Variants in PGS1 observed in about 807,000 individuals in gnomAD.
The protein encoded by PGS1 is phosphatidylglycerophosphate synthase 1, also known as CDP-diacylglycerol--glycerol-3-phosphate 3-phosphatidyltransferase, mitochondrial.
Under a neutral mutation model 58.3 loss-of-function variants are expected in PGS1, and 44 were observed. The ratio of observed to expected loss-of-function variants is 0.75; its 90% confidence interval spans 0.59 to 0.97. The LOEUF is 0.97. Among genes scored for constraint, PGS1 ranks in the 50% least tolerant of loss-of-function variants. The probability of loss-of-function intolerance (pLI) is 0.00; values close to 1 mark genes in which losing one functional copy is unlikely to be tolerated. For synonymous variants in PGS1, 330 were observed against 311.0 expected (o/e 1.06, Z -0.64); for missense variants, 684 against 731.1 (o/e 0.94, Z 0.74).
intron 3 of PGS1, 35 bp downstream of exon 3, chr17:78,396,420 A>C: frequency 6.9e-7 from 1 of 1,455,678 alleles, no homozygotes; most frequent in African/African-American, 1.4e-5. Flanking sequence ...TGGCAGCAAT[A>C]GTGAATGGGC....
chr17:78,399,584 C>G (rs987863246), intron 5 of PGS1, 47 bp downstream of exon 5: 54 of 1,580,596 alleles, frequency 3.4e-5, no homozygotes, highest in Admixed American at 6.7e-5. Flanking sequence ...GCTCTGCAGG[C>G]TGGAGGGCAG....
rs920585113 is a variant in PGS1, at chr17:78,414,967, C to T, written c.1491C>T (p.Asp497=). The T allele has an allele frequency of 1.9e-6, 3 of 1,613,670 alleles. No individual in the cohort carries two copies. Among genetic ancestry groups the T allele is most frequent in the Non-Finnish European group, 2.5e-6 (3 of 1,180,034 alleles). ...TTGGGTACAGGTCAGTTCACCGGGA[C>T]CTGGAGGCCCAGATTGCGATCGTGA... ...PNFGYRSVHR[D]LEAQIAIVTE... is the part of the protein sequence containing the mutation. The change falls in exon 8 of 10, where the codon GAC becomes GAT. Residue 497 remains aspartate (D), a synonymous_variant. Transcript: ENST00000262764.
chr17:78,414,595 G>A (rs973322400), intron 7 of PGS1, among the ~76,000 whole-genome samples: 2 of 152,164 alleles, frequency 1.3e-5, no homozygotes, highest in East Asian at 3.9e-4. Context: ...GGGAAAGCCT[G>A]CTTCTCGTCC....
intron 7 of PGS1, among the ~76,000 whole-genome samples, chr17:78,411,592 G>C (rs2084696940): frequency 1.3e-5 from 2 of 152,206 alleles, no homozygotes; most frequent in African/African-American, 4.8e-5. Flanking sequence ...AAAAGCACTT[G>C]GTCCGCAGAG....
chr17:78,414,217 C>T (rs868397907), intron 7 of PGS1, among the ~76,000 whole-genome samples: 10 of 152,312 alleles, frequency 6.6e-5, no homozygotes, highest in South Asian at 2.1e-4. Flanking sequence ...AGGGCACAGA[C>T]GGCCTACCCA....
intron 2 of PGS1, among the ~76,000 whole-genome samples, chr17:78,393,991 C>T (rs898040237): frequency 1.3e-5 from 2 of 151,754 alleles, no homozygotes; most frequent in African/African-American, 4.8e-5. Flanking sequence ...CGAGAACAGC[C>T]TCGTCAACGT....
At chr17:78,410,992 A>G (rs979744633) in intron 7 of PGS1, among the ~76,000 whole-genome samples, 12 of 152,156 alleles carry the variant, frequency 7.9e-5, no homozygotes, top group African/African-American at 2.9e-4. Flanking sequence ...ATGCGTCTCT[A>G]CAAATATCGG....
At chr17:78,401,980 G>T (rs1025993148) in intron 6 of PGS1, among the ~76,000 whole-genome samples, 1 of 152,332 alleles carries the variant, frequency 6.6e-6, no homozygotes, top group East Asian at 1.9e-4. Flanking sequence ...CACGCTCCGA[G>T]CAGGAGCGGG....
intron 2 of PGS1, among the ~76,000 whole-genome samples, chr17:78,394,171 CCCAAAAAAAAAAAAA>C (rs2083046103): frequency 1.1e-4 from 3 of 27,808 alleles, no homozygotes; most frequent in East Asian, 2.2e-3. Context: ...GACTCTATCT[CCCAAAAAAAAAAAAA>C]AAAAAAAAAA....
intron 7 of PGS1, among the ~76,000 whole-genome samples, chr17:78,410,321 C>T (rs1218037451): frequency 2.7e-5 from 4 of 150,524 alleles, no homozygotes; most frequent in Admixed American, 2.6e-4. Context: ...CTCAGCTACT[C>T]AGGAGGCTGA....
intron 3 of PGS1, among the ~76,000 whole-genome samples, chr17:78,397,589 A>ACCC (rs34040603): frequency 0.093 from 12,044 of 129,666 alleles, 699 homozygotes; most frequent in East Asian, 0.3. Context: ...GGCATGCGCC[A>ACCC]CCCCCCCAGC....
chr17:78,384,585 T>C (rs1006986679), intron 1 of PGS1, among the ~76,000 whole-genome samples: 1 of 152,118 alleles, frequency 6.6e-6, no homozygotes, highest in African/African-American at 2.4e-5. Flanking sequence ...GTCTGTACCG[T>C]GAATGTACCT....
chr17:78,399,332 C>T lies in PGS1; in HGVS notation c.512-16C>T. ...CCTGTTGTGAGTCAGGTGCCGTTTT[C>T]TCTGTCCGTGTTCAGGCCGGAAGAA... On this transcript the variant is annotated splice_polypyrimidine_tract_variant and intron_variant, in intron 4 of 9. Coordinates refer to ENST00000262764, the MANE Select transcript of PGS1 (RefSeq NM_024419.5). 1 of 1,607,900 alleles carries T rather than the reference C, an allele frequency of 6.2e-7. No homozygotes were observed. The highest frequency in any genetic ancestry group is 1.1e-5 in the South Asian group (1 of 90,932).
At chr17:78,391,330 T>C (rs745799912) in intron 1 of PGS1, among the ~76,000 whole-genome samples, 1 of 152,128 alleles carries the variant, frequency 6.6e-6, no homozygotes, top group Non-Finnish European at 1.5e-5. Flanking sequence ...CTGATTTTGA[T>C]TGATTGAGAC....
chr17:78,381,256 T>A (rs565649290), intron 1 of PGS1, among the ~76,000 whole-genome samples: 13 of 152,350 alleles, frequency 8.5e-5, no homozygotes, highest in African/African-American at 3.1e-4. Context: ...TTTGTGTGCC[T>A]TCATCCTTCA....
intron 1 of PGS1, among the ~76,000 whole-genome samples, chr17:78,379,992 G>A (rs1420866312): frequency 6.6e-6 from 1 of 151,014 alleles, no homozygotes; most frequent in Non-Finnish European, 1.5e-5. Flanking sequence ...TCAGCCTCCC[G>A]AGTAGCTGGG....
At position 78,419,688 on chromosome 17, in the gene PGS1, G is replaced by C. The variant is rs1282767737; in HGVS notation, c.*10+13G>C. On this transcript the variant is annotated intron_variant, in intron 9 of 9. Transcript: ENST00000262764. Reference sequence around the variant, plus strand: ...TGAGGACAGACAGGTGCTGTCTCTAGCATCACCTCTCAGCACGATTTTCCC... The same window carrying C: ...TGAGGACAGACAGGTGCTGTCTCTACCATCACCTCTCAGCACGATTTTCCC... 6.2e-7 allele frequency: 1 copy of C among 1,612,888 alleles called. No homozygotes were observed. The highest frequency in any genetic ancestry group is 8.5e-7 in the Non-Finnish European group (1 of 1,179,496).
Position 78,400,612 on chromosome 17 carries a change from C to A in PGS1, c.702-65C>A. 7.0e-7 allele frequency: 1 copy of A among 1,435,898 alleles called. No homozygotes were observed. Among genetic ancestry groups the A allele is most frequent in the South Asian group, 1.2e-5 (1 of 85,452 alleles). 88.9% of individuals were successfully genotyped at this position (1,435,898 alleles called of 1,614,324 possible). ...CTGCTAGTTCACCTGAGACCTGGGTCACCAGGACACGCTGCTGCATACCCT... is the reference window on the plus strand; with the variant it reads ...CTGCTAGTTCACCTGAGACCTGGGTAACCAGGACACGCTGCTGCATACCCT... On this transcript the variant is annotated intron_variant, in intron 5 of 9. Transcript: ENST00000262764. The surrounding 1 kb of genome is among the most constrained non-coding windows in gnomAD (Gnocchi z 4.4).
intron 8 of PGS1, among the ~76,000 whole-genome samples, chr17:78,417,010 T>C (rs2085251441): frequency 6.6e-6 from 1 of 152,160 alleles, no homozygotes; most frequent in African/African-American, 2.4e-5. Flanking sequence ...CATTGGGCAC[T>C]GGGAATGGGG....
Sources: allele counts gnomAD v4.1 joint callset (sites outside exome capture counted in the v4.1 genomes callset), GRCh38; gene constraint gnomAD v4.1.1; non-coding constraint Gnocchi (gnomAD v3.1); transcripts MANE v1.5; gene names NCBI Gene and HGNC (gene_info 2026-07-23, HGNC 2026-07-21).